Variants in ITPR1 observed in about 807,000 individuals in gnomAD.
ITPR1 encodes the protein inositol 1,4,5-trisphosphate receptor type 1, also known as inositol 1,4,5-trisphosphate-gated calcium channel ITPR1.
In ITPR1, 96 loss-of-function variants were observed where a neutral mutation model predicts 318.4. That is an observed-to-expected ratio of 0.30 (90% CI 0.26 to 0.36). The LOEUF (loss-of-function observed/expected upper bound fraction) is 0.36, where lower values mean the gene tolerates loss of function less well. Among genes scored for constraint, ITPR1 ranks in the 10% least tolerant of loss-of-function variants. The probability of loss-of-function intolerance (pLI) is 1.00; values close to 1 mark genes in which losing one functional copy is unlikely to be tolerated. For synonymous variants in ITPR1, 1,312 were observed against 1,289.9 expected (o/e 1.02, Z -0.37); for missense variants, 2,440 against 3,460.2 (o/e 0.71, Z 7.40).
At chr3:4,579,240 T>C (rs1028497175) in intron 4 of ITPR1, among the ~76,000 whole-genome samples, 1 of 152,218 alleles carries the variant, frequency 6.6e-6, no homozygotes, top group South Asian at 2.1e-4. Context: ...GTCCAGTACA[T>C]GCATAGTACC....
intron 4 of ITPR1, among the ~76,000 whole-genome samples, chr3:4,597,058 C>G (rs1559508880): frequency 6.6e-6 from 1 of 152,226 alleles, no homozygotes; most frequent in Non-Finnish European, 1.5e-5. Context: ...TGTGGCCTGT[C>G]TGAAGGGGTC....
intron 46 of ITPR1, among the ~76,000 whole-genome samples, chr3:4,771,575 A>T (rs371923355): frequency 1.3e-3 from 203 of 152,162 alleles, no homozygotes; most frequent in African/African-American, 4.6e-3. Flanking sequence ...TTTTAGTTTT[A>T]TACCTTAGCT....
intron 42 of ITPR1, among the ~76,000 whole-genome samples, chr3:4,730,685 C>T (rs923148405): frequency 4.0e-5 from 6 of 151,884 alleles, no homozygotes; most frequent in Middle Eastern, 3.4e-3. Flanking sequence ...CTCAAAAACA[C>T]GAAGGGGGGA....
rs2322736 is a variant in ITPR1 at position 4,602,057 on chromosome 3, T to C, written c.164-25706T>C. 9.4e-3 allele frequency among the ~76,000 whole-genome samples: 1,431 copies of C among 152,338 alleles called. 12 individuals are homozygous for C. Among genetic ancestry groups the C allele is most frequent in the Non-Finnish European group, 0.016 (1,065 of 68,022 alleles). ...ACAATAATAAGCAGTGGTGAGAATG[T>C]GGAGAAATGGCAACTCTCACACATT... On this transcript the variant is annotated intron_variant, in intron 4 of 61. Coordinates refer to ENST00000649015, the MANE Select transcript of ITPR1 (RefSeq NM_001378452.1).
chr3:4,830,481 G>C (rs186735532), intron 60 of ITPR1, among the ~76,000 whole-genome samples: 3 of 152,018 alleles, frequency 2.0e-5, no homozygotes, highest in Admixed American at 1.3e-4. Flanking sequence ...TCATAAAAGG[G>C]ACAAATGATT....
At chr3:4,765,807 A>G (rs1202793661) in intron 44 of ITPR1, among the ~76,000 whole-genome samples, 1 of 152,178 alleles carries the variant, frequency 6.6e-6, no homozygotes, top group Non-Finnish European at 1.5e-5. Flanking sequence ...AGTGTATACT[A>G]TTGCTTGCAG....
intron 12 of ITPR1, among the ~76,000 whole-genome samples, chr3:4,656,329 G>T (rs554253433): frequency 2.6e-5 from 4 of 152,320 alleles, no homozygotes; most frequent in Admixed American, 1.3e-4. Context: ...TCAAACCATA[G>T]CCAGGTCAGA....
chr3:4,633,194 C>T (rs2093070330), intron 5 of ITPR1, among the ~76,000 whole-genome samples: 1 of 152,074 alleles, frequency 6.6e-6, no homozygotes, highest in Non-Finnish European at 1.5e-5. Flanking sequence ...CCTTGGCCTG[C>T]CAAAGTGCTG....
chr3:4,696,823 A>T (rs1488798229), intron 33 of ITPR1, among the ~76,000 whole-genome samples: 1 of 151,976 alleles, frequency 6.6e-6, no homozygotes, highest in Non-Finnish European at 1.5e-5. Context: ...ATCTTGTCCC[A>T]ACTTGGGCCC....
chr3:4,600,560 G>A (rs141993413), intron 4 of ITPR1, among the ~76,000 whole-genome samples: 6 of 152,028 alleles, frequency 3.9e-5, no homozygotes, highest in East Asian at 1.9e-4. Context: ...TTAATTTTTC[G>A]CCTCTAAATT....
intron 25 of ITPR1, 140 bp downstream of exon 25, chr3:4,680,831 C>G (rs1338448046): frequency 5.4e-6 from 4 of 738,900 alleles, no homozygotes; most frequent in Non-Finnish European, 8.6e-6. Context: ...CTGGCAGTTA[C>G]TCTTTTTGAG....
intron 4 of ITPR1, among the ~76,000 whole-genome samples, chr3:4,532,398 T>C (rs1352163546): frequency 6.6e-6 from 1 of 152,212 alleles, no homozygotes; most frequent in East Asian, 1.9e-4. Flanking sequence ...AGGGTCTTGC[T>C]CTGTAGCTCA....
chr3:4,648,795 G>T (rs1169989623), intron 10 of ITPR1, among the ~76,000 whole-genome samples: 1 of 152,216 alleles, frequency 6.6e-6, no homozygotes, highest in Non-Finnish European at 1.5e-5. Context: ...GGGTGACAGA[G>T]CGAGACCCTG....
chr3:4,564,078 A>G (rs561796341), intron 4 of ITPR1, among the ~76,000 whole-genome samples: 1 of 151,904 alleles, frequency 6.6e-6, no homozygotes, highest in East Asian at 1.9e-4. Flanking sequence ...AGTAGCTGGG[A>G]TTACAGGTGT....
In ITPR1 at chr3:4,680,642, A is replaced by G. The variant is rs200705345; in HGVS notation, c.3057A>G (p.Ser1019=). 8.2e-4 allele frequency: 1,320 copies of G among 1,613,926 alleles called. 2 individuals are homozygous for G. The highest frequency in any genetic ancestry group is 8.5e-4 in the Non-Finnish European group (999 of 1,179,818). ...REFDESNSQT[S]ETSSGNSSQE... is the part of the protein sequence containing the mutation. ...TTGATGAAAGCAATTCCCAGACTTC[A>G]GAAACATCCTCCGGAAACAGCAGCC... Residue 1019 remains serine (S), a synonymous_variant, in exon 25 of 62, where the codon TCA becomes TCG. Transcript: ENST00000649015.
At chr3:4,817,549 A>G (rs917400244) in intron 59 of ITPR1, 8 of 152,212 alleles carry the variant, frequency 5.3e-5, no homozygotes, top group African/African-American at 1.4e-4. Flanking sequence ...TATTTGATCA[A>G]TCCTAGAATA....
At chr3:4,530,215 A>T (rs1335084579) in intron 4 of ITPR1, among the ~76,000 whole-genome samples, 1 of 152,188 alleles carries the variant, frequency 6.6e-6, no homozygotes, top group African/African-American at 2.4e-5. Context: ...ATAAATACAC[A>T]GCTACTGTTT....
At chr3:4,797,633 G>A (rs572162435) in intron 53 of ITPR1, among the ~76,000 whole-genome samples, 12 of 152,318 alleles carry the variant, frequency 7.9e-5, no homozygotes, top group Admixed American at 3.3e-4. Context: ...TGAGCATGCC[G>A]TGATGGCTAA....
At chr3:4,746,353 C>T (rs1457600400) in intron 44 of ITPR1, among the ~76,000 whole-genome samples, 1 of 152,196 alleles carries the variant, frequency 6.6e-6, no homozygotes, top group Non-Finnish European at 1.5e-5. Context: ...CTGGCCCCAC[C>T]TGGGTTTCTC....
Sources: allele counts gnomAD v4.1 joint callset (sites outside exome capture counted in the v4.1 genomes callset), GRCh38; gene constraint gnomAD v4.1.1; transcripts MANE v1.5; gene names NCBI Gene and HGNC (gene_info 2026-07-23, HGNC 2026-07-21).